NOSTRIN: variants seen among roughly 807,000 people sequenced by gnomAD.
NOSTRIN encodes BM247 homolog.
In NOSTRIN, 63 loss-of-function variants were observed where a neutral mutation model predicts 59.0. That is an observed-to-expected ratio of 1.07 (90% CI 0.87 to 1.32). The LOEUF is 1.32. NOSTRIN is among the 40% of genes most tolerant of loss of function. NOSTRIN has a pLI of 0.00. For missense variants in NOSTRIN, 512 were observed against 473.1 expected (o/e 1.08, Z -0.76); for synonymous variants, 200 against 165.4 (o/e 1.21, Z -1.61).
intron 1 of NOSTRIN, among the ~76,000 whole-genome samples, chr2:168,810,074 A>G (rs1302656941): frequency 6.6e-6 from 1 of 152,206 alleles, no homozygotes; most frequent in Non-Finnish European, 1.5e-5. Flanking sequence ...GTGATGGGCC[A>G]GAATGGTTCT....
At chr2:168,827,417 G>A (rs511013) in intron 3 of NOSTRIN, among the ~76,000 whole-genome samples, 45,163 of 152,082 alleles carry the variant, frequency 0.3, 8,335 homozygotes, top group Non-Finnish European at 0.41. Flanking sequence ...AAGAGCAGCA[G>A]CAGGACATGA....
intron 14 of NOSTRIN, among the ~76,000 whole-genome samples, chr2:168,861,395 C>T (rs1044352987): frequency 6.6e-6 from 1 of 151,978 alleles, no homozygotes; most frequent in East Asian, 1.9e-4. Flanking sequence ...CTTCATCTTT[C>T]AGCACACACA....
chr2:168,834,507 G>GTGCGCGCACACACACA (rs1553527124), intron 7 of NOSTRIN, among the ~76,000 whole-genome samples, 182 bp downstream of exon 7: 1 of 125,342 alleles, frequency 8.0e-6, no homozygotes, highest in Non-Finnish European at 1.7e-5. Context: ...GCGCGCGCGC[G>GTGCGCGCACACACACA]CACACACACA....
intron 8 of NOSTRIN, among the ~76,000 whole-genome samples, chr2:168,847,772 T>G (rs953793534): frequency 1.3e-5 from 2 of 152,166 alleles, no homozygotes; most frequent in African/African-American, 4.8e-5. Context: ...TACCACCTAT[T>G]TTATATAAAA....
At chr2:168,852,099 C>T (rs765231722) in intron 10 of NOSTRIN, among the ~76,000 whole-genome samples, 4 of 152,158 alleles carry the variant, frequency 2.6e-5, no homozygotes, top group Non-Finnish European at 5.9e-5. Flanking sequence ...ATTATAATCT[C>T]TTGTAAGCTA....
intron 7 of NOSTRIN, among the ~76,000 whole-genome samples, 174 bp downstream of exon 7, chr2:168,834,499 G>GCACACACACA (rs1352968254): frequency 3.2e-3 from 92 of 28,584 alleles, no homozygotes; most frequent in South Asian, 3.2e-3. Flanking sequence ...GTGCGCGCGC[G>GCACACACACA]CGCGCGCGCA....
upstream of NOSTRIN, among the ~76,000 whole-genome samples, chr2:168,799,517 A>G (rs1332830257): frequency 6.6e-6 from 1 of 152,144 alleles, no homozygotes; most frequent in Admixed American, 6.6e-5. Flanking sequence ...CCTGAGCCTC[A>G]GTGGCTGAAG....
chr2:168,803,482 G>A (rs959387136), intron 1 of NOSTRIN, among the ~76,000 whole-genome samples: 7 of 152,090 alleles, frequency 4.6e-5, no homozygotes, highest in African/African-American at 1.4e-4. Flanking sequence ...ACTGTGGGGC[G>A]GCAGATAAAT....
intron 15 of NOSTRIN, among the ~76,000 whole-genome samples, chr2:168,863,002 ATTAC>A (rs148036767): frequency 0.019 from 2,552 of 131,448 alleles, 68 homozygotes; most frequent in African/African-American, 0.07. Context: ...TCTCCAGGCA[ATTAC>A]TTTTCTTCCT....
At chr2:168,845,971 C>A (rs575982324) in intron 8 of NOSTRIN, among the ~76,000 whole-genome samples, 1 of 152,210 alleles carries the variant, frequency 6.6e-6, no homozygotes, top group Admixed American at 6.5e-5. Context: ...TCCTACCCCA[C>A]CTTCCTCTGA....
Position 168,865,049 on chromosome 2 carries a change from A to AAGAG in NOSTRIN, c.*79_*80insAGAG. On this transcript the variant is annotated 3_prime_UTR_variant, in exon 16 of 16. Coordinates refer to ENST00000317647, the MANE Select transcript of NOSTRIN (RefSeq NM_001039724.4). ...GTTCAAATAAGAATAAAGTGCTCTT[A>AAGAG]CCTTTACATGTTTTTCTTTTGAAAT... is the stretch of plus-strand genomic sequence containing the variant. 5 of 1,481,204 alleles carry AAGAG rather than the reference A, an allele frequency of 3.4e-6. No individual in the cohort carries two copies. Among genetic ancestry groups the AAGAG allele is most frequent in the Non-Finnish European group, 3.7e-6 (4 of 1,087,190 alleles). The allele number at this position is 1,481,204 out of a possible 1,614,324, so 91.8% of individuals were successfully genotyped here.
chr2:168,836,002 C>T (rs1687696133), intron 7 of NOSTRIN, among the ~76,000 whole-genome samples: 1 of 152,186 alleles, frequency 6.6e-6, no homozygotes, highest in Non-Finnish European at 1.5e-5. Flanking sequence ...GAAATGCAAC[C>T]AGCACCACTG....
intron 5 of NOSTRIN, among the ~76,000 whole-genome samples, chr2:168,830,923 C>T (rs1272746189): frequency 1.3e-5 from 2 of 152,112 alleles, no homozygotes; most frequent in African/African-American, 4.8e-5. Flanking sequence ...TTTTTACATT[C>T]TTATAGATTA....
chr2:168,846,074 A>G (rs1463739498), intron 8 of NOSTRIN, among the ~76,000 whole-genome samples: 2 of 152,104 alleles, frequency 1.3e-5, no homozygotes, highest in East Asian at 3.8e-4. Context: ...TTGAACCCTC[A>G]ATAATGATGC....
In NOSTRIN at chr2:168,864,906, A is replaced by G. The variant is rs1438376976; in HGVS notation, c.1457A>G (p.His486Arg). The change falls in exon 16 of 16, where the codon CAT becomes CGT. Residue 486 changes from histidine (H) to arginine (R), a missense_variant. Coordinates refer to ENST00000317647, the MANE Select transcript of NOSTRIN (RefSeq NM_001039724.4). ...WFGSLNGKKG[H>R]FPAAYVEELP... The stretch of plus-strand genomic sequence containing the variant: ...GGATCTTTGAATGGGAAAAAAGGCC[A>G]TTTTCCTGCCGCTTATGTGGAGGAG... The G allele has an allele frequency of 1.9e-6, 3 of 1,613,886 alleles. No individual in the cohort carries two copies. The highest frequency in any genetic ancestry group is 2.5e-6 in the Non-Finnish European group (3 of 1,179,968).
At chr2:168,863,837 G>GA (rs982018813) in intron 15 of NOSTRIN, among the ~76,000 whole-genome samples, 2 of 152,134 alleles carry the variant, frequency 1.3e-5, no homozygotes, top group African/African-American at 4.8e-5. Context: ...GAAAGAGTTT[G>GA]GTGACAATCC....
intron 1 of NOSTRIN, among the ~76,000 whole-genome samples, chr2:168,806,450 T>C (rs1316431969): frequency 6.6e-6 from 1 of 152,198 alleles, no homozygotes; most frequent in Admixed American, 6.5e-5. Flanking sequence ...CTGGCTGGAT[T>C]ACTAAATGTT....
intron 10 of NOSTRIN, among the ~76,000 whole-genome samples, chr2:168,854,354 C>G (rs536452320): frequency 5.3e-5 from 8 of 152,318 alleles, no homozygotes; most frequent in African/African-American, 1.4e-4. Context: ...ATCAGCGAAG[C>G]CTGCATCCTC....
intron 7 of NOSTRIN, among the ~76,000 whole-genome samples, 176 bp downstream of exon 7, chr2:168,834,501 GCGCGCGCACACACACA>G (rs1214936355): frequency 4.5e-5 from 5 of 110,680 alleles, no homozygotes; most frequent in Non-Finnish European, 8.1e-5. Flanking sequence ...GCGCGCGCGC[GCGCGCGCACACACACA>G]CACACACACA....
Sources: gnomAD v4.1 joint callset for allele counts (sites outside exome capture counted in the v4.1 genomes callset) on GRCh38, gnomAD v4.1.1 for gene constraint, MANE v1.5 for transcripts, NCBI Gene and HGNC (gene_info 2026-07-23, HGNC 2026-07-21) for gene names.